The following CNTLN variants were observed in gnomAD, a reference collection of about 807,000 sequenced individuals.
CNTLN encodes the protein centlein.
CNTLN carries 212 observed loss-of-function variants against 180.0 expected under a neutral mutation model. That is an observed-to-expected ratio of 1.18 (90% confidence interval 1.05 to 1.32). CNTLN has a LOEUF of 1.32. Among genes scored for constraint, CNTLN ranks in the 40% most tolerant of loss-of-function variants. The probability of loss-of-function intolerance (pLI) is 0.00; values close to 1 mark genes in which losing one functional copy is unlikely to be tolerated. For synonymous variants in CNTLN, 722 were observed against 563.1 expected (o/e 1.28, Z -3.99); for missense variants, 2,095 against 1,610.9 (o/e 1.30, Z -5.14).
chr9:17,305,330 A>G (rs1239796493), intron 7 of CNTLN, among the ~76,000 whole-genome samples: 2 of 152,178 alleles, frequency 1.3e-5, no homozygotes, highest in Admixed American at 6.5e-5. Flanking sequence ...ATAGGCCAGA[A>G]TCTTACAAAA....
chr9:17,235,539 C>A, intron 3 of CNTLN, 119 bp from the exon 4 acceptor site: 1 of 780,308 alleles, frequency 1.3e-6, no homozygotes, highest in Non-Finnish European at 2.0e-6. Flanking sequence ...TGGTGACAGA[C>A]ATTATTATGA....
At chr9:17,349,176 C>T (rs1822165178) in intron 12 of CNTLN, among the ~76,000 whole-genome samples, 1 of 152,104 alleles carries the variant, frequency 6.6e-6, no homozygotes, top group Non-Finnish European at 1.5e-5. Flanking sequence ...TTCAAAGTCT[C>T]ATGTTTGTTT....
chr9:17,323,633 T>C (rs935909251), intron 8 of CNTLN, among the ~76,000 whole-genome samples: 6 of 152,200 alleles, frequency 3.9e-5, no homozygotes, highest in African/African-American at 1.4e-4. Context: ...TGTAAATTAC[T>C]TTACATGGCG....
chr9:17,165,569 T>A (rs537652804), intron 2 of CNTLN, among the ~76,000 whole-genome samples: 1 of 151,792 alleles, frequency 6.6e-6, no homozygotes, highest in East Asian at 2.0e-4. Context: ...AAAATTGAAT[T>A]AAAGTCTATA....
At chr9:17,316,440 G>T (rs934981680) in intron 8 of CNTLN, among the ~76,000 whole-genome samples, 3 of 151,962 alleles carry the variant, frequency 2.0e-5, no homozygotes, top group Admixed American at 6.6e-5. Flanking sequence ...TTTAACTTAG[G>T]ATGGGGCTAT....
At chr9:17,441,157 A>T (rs1418082631) in intron 18 of CNTLN, among the ~76,000 whole-genome samples, 2 of 152,254 alleles carry the variant, frequency 1.3e-5, no homozygotes, top group African/African-American at 4.8e-5. Context: ...TTTCCCAGAC[A>T]AACAAAAGTA....
chr9:17,211,088 T>G (rs949209767), intron 2 of CNTLN, among the ~76,000 whole-genome samples: 4 of 152,206 alleles, frequency 2.6e-5, no homozygotes, highest in African/African-American at 9.6e-5. Context: ...TTTTGGCTTT[T>G]GTTGCCATTG....
chr9:17,358,883 A>G (rs1174028367), intron 12 of CNTLN, among the ~76,000 whole-genome samples: 1 of 152,122 alleles, frequency 6.6e-6, no homozygotes, highest in Non-Finnish European at 1.5e-5. Context: ...CCAACTCCAA[A>G]CCCAAAAGTC....
rs1446795928 is a variant in CNTLN at position 17,493,436 on chromosome 9, A to G, written c.4119+6370A>G. ...AGATAGACAAGTTCCTTGAGAGCAC[A>G]GTGAGTAATCTTTTACCTCCTATAC... On this transcript the variant is annotated intron_variant, in intron 25 of 25. Coordinates refer to ENST00000380647, the MANE Select transcript of CNTLN (RefSeq NM_017738.4). 3.3e-5 allele frequency among the ~76,000 whole-genome samples: 5 copies of G among 152,264 alleles called. No individual in the cohort carries two copies. The East Asian group carries it at 9.7e-4, about 29-fold the overall frequency.
chr9:17,201,517 G>T (rs1402730155), intron 2 of CNTLN, among the ~76,000 whole-genome samples: 1 of 152,104 alleles, frequency 6.6e-6, no homozygotes, highest in Non-Finnish European at 1.5e-5. Flanking sequence ...TGCAGAACTT[G>T]TTATTGGTCT....
At chr9:17,368,901 C>T (rs1824070037) in intron 13 of CNTLN, among the ~76,000 whole-genome samples, 1 of 152,124 alleles carries the variant, frequency 6.6e-6, no homozygotes, top group African/African-American at 2.4e-5. Flanking sequence ...TCTTTGTACC[C>T]ATCTTCTCAA....
chr9:17,200,524 T>C (rs905148583), intron 2 of CNTLN, among the ~76,000 whole-genome samples: 1 of 152,192 alleles, frequency 6.6e-6, no homozygotes, highest in Admixed American at 6.5e-5. Flanking sequence ...AGCAGTGGTT[T>C]GTAGTTGTCC....
chr9:17,342,970 G>T (rs1405797802), intron 12 of CNTLN, among the ~76,000 whole-genome samples: 1 of 152,168 alleles, frequency 6.6e-6, no homozygotes, highest in African/African-American at 2.4e-5. Context: ...AGGGTCTGGT[G>T]TGGATCTGCT....
Position 17,496,161 on chromosome 9 carries a change from G to A in CNTLN, c.4120-6390G>A, listed in dbSNP as rs56411044. Reference sequence around the variant, plus strand: ...CAACATATTTAAATCAACACTGAGTGACACAGTGATGAACAAGAGACTGAA... The same window carrying A: ...CAACATATTTAAATCAACACTGAGTAACACAGTGATGAACAAGAGACTGAA... On this transcript the variant is annotated intron_variant, in intron 25 of 25. Transcript: ENST00000380647. Among the ~76,000 whole-genome samples, 1,063 of 152,250 alleles carry A rather than the reference G, an allele frequency of 7.0e-3. 6 individuals are homozygous for A. The highest frequency in any genetic ancestry group is 9.1e-3 in the East Asian group (47 of 5,166).
intron 6 of CNTLN, among the ~76,000 whole-genome samples, chr9:17,293,003 T>G (rs1262365715): frequency 6.6e-6 from 1 of 152,220 alleles, no homozygotes; most frequent in Non-Finnish European, 1.5e-5. Flanking sequence ...TTGTTTTTCT[T>G]TTGACATTCA....
intron 18 of CNTLN, among the ~76,000 whole-genome samples, chr9:17,427,073 C>A (rs1346884565): frequency 1.3e-5 from 2 of 152,090 alleles, no homozygotes; most frequent in African/African-American, 4.8e-5. Flanking sequence ...TACCCTTGAA[C>A]TGAAGTTGCA....
At chr9:17,496,580 C>T (rs1479926670) in intron 25 of CNTLN, among the ~76,000 whole-genome samples, 1 of 152,186 alleles carries the variant, frequency 6.6e-6, no homozygotes, top group Non-Finnish European at 1.5e-5. Context: ...GGAACACAAG[C>T]ATTTAGTTAA....
rs115968392 is a variant in CNTLN, at chr9:17,415,461, G to A, written c.2797-327G>A. On this transcript the variant is annotated intron_variant, in intron 16 of 25. Coordinates refer to ENST00000380647, the MANE Select transcript of CNTLN (RefSeq NM_017738.4). ...TTTCTACTTCTTTGGAGTTGATTTT[G>A]TATCTGTATCTTCTGCCTGCTGGTT... Among the ~76,000 whole-genome samples the A allele has an allele frequency of 3.5e-3, 526 of 152,192 alleles. 2 individuals carry two copies. Among genetic ancestry groups the A allele is most frequent in the African/African-American group, 0.012 (507 of 41,540 alleles).
intron 5 of CNTLN, among the ~76,000 whole-genome samples, chr9:17,239,556 T>C (rs1825363414): frequency 1.3e-5 from 2 of 152,236 alleles, no homozygotes; most frequent in African/African-American, 4.8e-5. Flanking sequence ...TCCAAGGTCA[T>C]GAAGATTGAC....
Sources: allele counts gnomAD v4.1 joint callset (sites outside exome capture counted in the v4.1 genomes callset), GRCh38; gene constraint gnomAD v4.1.1; transcripts MANE v1.5; gene names NCBI Gene and HGNC (gene_info 2026-07-23, HGNC 2026-07-21).